RBMS3: variants seen among roughly 807,000 people sequenced by gnomAD.
RBMS3 encodes RNA binding motif single stranded interacting protein 3.
Under a neutral mutation model 66.8 loss-of-function variants are expected in RBMS3, and 27 were observed. The observed-to-expected ratio is 0.40, with a 90% CI of 0.30 to 0.56. The LOEUF (loss-of-function observed/expected upper bound fraction) is 0.56, where lower values mean the gene tolerates loss of function less well. RBMS3 is among the 20% of genes least tolerant of loss of function. RBMS3 has a pLI of 0.40. For synonymous variants in RBMS3, 188 were observed against 183.0 expected (o/e 1.03, Z -0.22); for missense variants, 513 against 549.5 (o/e 0.93, Z 0.66).
intron 1 of RBMS3, among the ~76,000 whole-genome samples, chr3:29,319,144 A>G (rs968679531): frequency 7.2e-5 from 11 of 151,996 alleles, no homozygotes; most frequent in African/African-American, 2.7e-4. Context: ...AAGATGATAA[A>G]CTAGGAAGTA....
At chr3:29,377,747 G>A (rs1383228804) in intron 1 of RBMS3, among the ~76,000 whole-genome samples, 3 of 152,164 alleles carry the variant, frequency 2.0e-5, no homozygotes, top group Non-Finnish European at 4.4e-5. Context: ...TATCAGAGAA[G>A]CACTGCCATG....
intron 6 of RBMS3, among the ~76,000 whole-genome samples, chr3:29,847,178 GT>G (rs2058802755): frequency 6.6e-6 from 1 of 152,046 alleles, no homozygotes; most frequent in African/African-American, 2.4e-5. Flanking sequence ...TGCCTTTTTT[GT>G]TTTCAATAAT....
intron 3 of RBMS3, among the ~76,000 whole-genome samples, chr3:29,561,944 TAA>T (rs1247050115): frequency 2.0e-5 from 3 of 152,094 alleles, no homozygotes; most frequent in Non-Finnish European, 4.4e-5. Flanking sequence ...TTCATAAACT[TAA>T]GTTTGTTTTT....
At chr3:29,427,536 C>T (rs2041006409) in intron 1 of RBMS3, among the ~76,000 whole-genome samples, 1 of 152,184 alleles carries the variant, frequency 6.6e-6, no homozygotes, top group Non-Finnish European at 1.5e-5. Context: ...CAACAGCCTG[C>T]AGCAGTGTTA....
chr3:29,317,643 A>T (rs965050922), intron 1 of RBMS3, among the ~76,000 whole-genome samples: 3 of 151,998 alleles, frequency 2.0e-5, no homozygotes, highest in African/African-American at 2.4e-5. Context: ...TTTAAAAATT[A>T]AAAAATGTGA....
chr3:29,401,980 T>G (rs554159041), intron 1 of RBMS3, among the ~76,000 whole-genome samples: 533 of 152,164 alleles, frequency 3.5e-3, no homozygotes, highest in Non-Finnish European at 5.6e-3. Context: ...TCAAGAATGT[T>G]AGTGAAGCTG....
intron 6 of RBMS3, among the ~76,000 whole-genome samples, chr3:29,796,082 A>G (rs1194558458): frequency 3.9e-5 from 6 of 152,188 alleles, no homozygotes; most frequent in Admixed American, 1.3e-4. Flanking sequence ...ATCACAAGAA[A>G]GTGAATCTCA....
chr3:29,995,099 C>G (rs1699130968), intron 14 of RBMS3, among the ~76,000 whole-genome samples: 1 of 152,144 alleles, frequency 6.6e-6, no homozygotes, highest in African/African-American at 2.4e-5. Context: ...GAGCTGAAAA[C>G]CAAGGCTCAA....
chr3:29,839,649 TAATA>T (rs2058614782), intron 6 of RBMS3, among the ~76,000 whole-genome samples: 1 of 151,568 alleles, frequency 6.6e-6, no homozygotes, highest in Non-Finnish European at 1.5e-5. Flanking sequence ...ATCTAAAAAA[TAATA>T]AAAATGAACT....
chr3:29,582,674 G>A (rs750469378), intron 3 of RBMS3, among the ~76,000 whole-genome samples: 2 of 152,124 alleles, frequency 1.3e-5, no homozygotes, highest in Non-Finnish European at 2.9e-5. Context: ...ACCAGATGTA[G>A]GTACAGAGGT....
In RBMS3 at chr3:29,867,544, C is replaced by T. The variant is rs538216588; in HGVS notation, c.638-1314C>T. Among the ~76,000 whole-genome samples, 17 of 144,454 alleles carry T rather than the reference C, an allele frequency of 1.2e-4. No individual in the cohort carries two copies. The South Asian group carries it at 4.1e-3, about 35-fold the overall frequency. The allele number at this position is 144,454 out of a possible 152,430, so 94.8% of individuals were successfully genotyped here. ...TGGAATGTTAGCATGTTAAGGATGA[C>T]GTACCTTTATTCGCATCTCATCCTC... On this transcript the variant is annotated intron_variant, in intron 6 of 14. Transcript: ENST00000383767.
chr3:29,286,581 A>C (rs1340580958), intron 1 of RBMS3, among the ~76,000 whole-genome samples: 7 of 151,770 alleles, frequency 4.6e-5, no homozygotes, highest in Non-Finnish European at 2.9e-5. Flanking sequence ...AAATTATAGC[A>C]CAAAATTATT....
intron 1 of RBMS3, among the ~76,000 whole-genome samples, chr3:29,297,817 C>T (rs2033385714): frequency 6.6e-6 from 1 of 151,816 alleles, no homozygotes; most frequent in Non-Finnish European, 1.5e-5. Context: ...TACAGAGTGC[C>T]AGCCCTTGCC....
intron 4 of RBMS3, among the ~76,000 whole-genome samples, chr3:29,594,223 G>A (rs1197390582): frequency 1.3e-5 from 2 of 151,960 alleles, no homozygotes; most frequent in African/African-American, 4.8e-5. Context: ...CTTTTTTGTG[G>A]GAGTTGTCTG....
chr3:29,868,537 C>G (rs1429108539), intron 6 of RBMS3, among the ~76,000 whole-genome samples: 1 of 152,064 alleles, frequency 6.6e-6, no homozygotes. Context: ...ATATAAATAC[C>G]GATTATGAAC....
At chr3:29,488,285 G>T (rs1167986461) in intron 2 of RBMS3, among the ~76,000 whole-genome samples, 156 bp from the exon 3 acceptor site, 2 of 152,204 alleles carry the variant, frequency 1.3e-5, no homozygotes, top group Admixed American at 1.3e-4. Flanking sequence ...AGAAGAACTG[G>T]TGAAAGGACA....
chr3:29,417,331 C>A (rs994315288), intron 1 of RBMS3, among the ~76,000 whole-genome samples: 1 of 151,738 alleles, frequency 6.6e-6, no homozygotes, highest in Non-Finnish European at 1.5e-5. Flanking sequence ...CTGAGTTTGT[C>A]CTTGGGTTCA....
At chr3:29,860,534 A>T (rs1462951892) in intron 6 of RBMS3, among the ~76,000 whole-genome samples, 2 of 152,154 alleles carry the variant, frequency 1.3e-5, no homozygotes, top group Non-Finnish European at 2.9e-5. Context: ...GTAGTGCTGG[A>T]GGTTGACATC....
At chr3:29,672,108 C>T (rs1028531303) in intron 4 of RBMS3, among the ~76,000 whole-genome samples, 1 of 152,010 alleles carries the variant, frequency 6.6e-6, no homozygotes. Flanking sequence ...CTCTATAAGC[C>T]AGAAGAGAGT....
Sources: gnomAD v4.1 joint callset for allele counts (sites outside exome capture counted in the v4.1 genomes callset) on GRCh38, gnomAD v4.1.1 for gene constraint, MANE v1.5 for transcripts, NCBI Gene and HGNC (gene_info 2026-07-23, HGNC 2026-07-21) for gene names.